The following GFOD1 variants were observed in gnomAD, a reference collection of about 807,000 sequenced individuals.
GFOD1 encodes the protein glucose-fructose oxidoreductase domain-containing protein 1.
GFOD1 carries 9 observed loss-of-function variants against 25.4 expected under a neutral mutation model. The ratio of observed to expected loss-of-function variants is 0.35; its 90% CI spans 0.21 to 0.62. The LOEUF is 0.62. Ranked by LOEUF, GFOD1 falls within the 20% of genes least tolerant of loss-of-function variation. GFOD1 has a pLI of 0.72. For synonymous variants in GFOD1, 253 were observed against 245.6 expected, an observed-to-expected ratio of 1.03 and a Z score of -0.28; for missense variants, 403 against 556.9, an observed-to-expected ratio of 0.72 and a Z score of 2.78.
chr6:13,421,071 A>C (rs1786248298), intron 1 of GFOD1, among the ~76,000 whole-genome samples: 1 of 152,226 alleles, frequency 6.6e-6, no homozygotes, highest in African/African-American at 2.4e-5. Flanking sequence ...AGTATTCAAT[A>C]AGGGGTAGAT....
At chr6:13,396,522 C>T (rs914122620) in intron 1 of GFOD1, among the ~76,000 whole-genome samples, 3 of 152,136 alleles carry the variant, frequency 2.0e-5, no homozygotes, top group Non-Finnish European at 2.9e-5. Context: ...GTCGACATCC[C>T]GATCCCCAGA....
intron 1 of GFOD1, among the ~76,000 whole-genome samples, chr6:13,392,268 C>T (rs535970231): frequency 6.8e-5 from 10 of 146,124 alleles, no homozygotes; most frequent in South Asian, 6.5e-4. Context: ...GAGGCTGAGA[C>T]GGGAGGATCA....
intron 1 of GFOD1, among the ~76,000 whole-genome samples, chr6:13,475,645 A>C (rs9357741): frequency 6.6e-6 from 1 of 150,420 alleles, no homozygotes; most frequent in South Asian, 2.1e-4. Flanking sequence ...TTGAACCCTG[A>C]AGGCGGCAGC....
rs993846341 is a variant in GFOD1 at position 13,363,692 on chromosome 6, T to TA, written c.*1050dup. On this transcript the variant is annotated 3_prime_UTR_variant, in exon 2 of 2. Coordinates refer to ENST00000379287, the MANE Select transcript of GFOD1 (RefSeq NM_018988.4). ...CCAGCTTGGTAGGAGAGATGCGCGATAGAGCCCCAAACACCTCCTGGCTAG... is the reference window on the plus strand; with the variant it reads ...CCAGCTTGGTAGGAGAGATGCGCGATAAGAGCCCCAAACACCTCCTGGCTAG... The TA allele has an allele frequency of 1.3e-5, 2 of 149,066 alleles. No homozygotes were observed. The highest frequency in any genetic ancestry group is 4.9e-5 in the African/African-American group (2 of 40,482). 9.2% of individuals were successfully genotyped at this position (149,066 alleles called of 1,614,324 possible).
chr6:13,463,386 A>G, intron 1 of GFOD1, among the ~76,000 whole-genome samples: 1 of 152,238 alleles, frequency 6.6e-6, no homozygotes. Context: ...ACAATTTAAA[A>G]TCCAGCTCCT....
intron 1 of GFOD1, among the ~76,000 whole-genome samples, chr6:13,442,280 C>A (rs545455159): frequency 6.6e-6 from 1 of 152,194 alleles, no homozygotes; most frequent in South Asian, 2.1e-4. Flanking sequence ...CACTTTTCAG[C>A]TATTGCATTT....
intron 1 of GFOD1, among the ~76,000 whole-genome samples, chr6:13,457,749 G>C (rs1758215619): frequency 6.6e-6 from 1 of 152,226 alleles, no homozygotes; most frequent in Non-Finnish European, 1.5e-5. Flanking sequence ...CATGTTCTTT[G>C]AAAGTGGCTG....
At chr6:13,409,320 G>A (rs1361718046) in intron 1 of GFOD1, among the ~76,000 whole-genome samples, 2 of 131,686 alleles carry the variant, frequency 1.5e-5, no homozygotes, top group Middle Eastern at 4.1e-3. Context: ...AAGGAAGAAA[G>A]GAAGGAAGGA....
At chr6:13,382,610 A>C (rs1428713815) in intron 1 of GFOD1, among the ~76,000 whole-genome samples, 1 of 152,162 alleles carries the variant, frequency 6.6e-6, no homozygotes, top group East Asian at 1.9e-4. Context: ...AGACTAATAC[A>C]AGTTGGAATT....
chr6:13,402,698 G>A (rs1785870488), intron 1 of GFOD1, among the ~76,000 whole-genome samples: 1 of 152,166 alleles, frequency 6.6e-6, no homozygotes, highest in African/African-American at 2.4e-5. Context: ...CATGGTTGTA[G>A]AATAATTGGA....
intron 1 of GFOD1, 104 bp downstream of exon 1, chr6:13,486,534 G>T: frequency 1.0e-6 from 1 of 957,644 alleles, no homozygotes; most frequent in East Asian, 2.5e-5. Context: ...CGTAGATGCA[G>T]GGTAAGCTTC....
intron 1 of GFOD1, among the ~76,000 whole-genome samples, chr6:13,472,515 T>C (rs1043042378): frequency 2.4e-4 from 36 of 152,224 alleles, no homozygotes; most frequent in Admixed American, 5.9e-4. Flanking sequence ...AGATGGGTAC[T>C]TTTATTATCC....
chr6:13,385,163 C>A (rs529395117), intron 1 of GFOD1, among the ~76,000 whole-genome samples: 14 of 152,122 alleles, frequency 9.2e-5, no homozygotes, highest in Non-Finnish European at 2.1e-4. Context: ...GCAACCACTG[C>A]CATCCAATAC....
chr6:13,368,763 C>T (rs1407884233), intron 1 of GFOD1, among the ~76,000 whole-genome samples: 4 of 151,812 alleles, frequency 2.6e-5, no homozygotes, highest in Admixed American at 6.6e-5. Context: ...GAAAAATGAT[C>T]CACACCCCTT....
At chr6:13,384,121 G>A (rs1002131861) in intron 1 of GFOD1, among the ~76,000 whole-genome samples, 1 of 152,176 alleles carries the variant, frequency 6.6e-6, no homozygotes, top group African/African-American at 2.4e-5. Context: ...CAGCTACTCA[G>A]GAGGCTGAGG....
intron 1 of GFOD1, among the ~76,000 whole-genome samples, chr6:13,373,741 AACACACAC>A (rs10530031): frequency 3.9e-5 from 5 of 129,594 alleles, no homozygotes; most frequent in African/African-American, 1.5e-4. Context: ...CTGCTCCCCC[AACACACAC>A]ACACACACAC....
chr6:13,403,301 T>C (rs960181086), intron 1 of GFOD1, among the ~76,000 whole-genome samples: 1 of 152,154 alleles, frequency 6.6e-6, no homozygotes, highest in Admixed American at 6.5e-5. Flanking sequence ...AATTTTTGTA[T>C]TTTTAGTAGA....
chr6:13,409,052 T>A (rs544696940), intron 1 of GFOD1, among the ~76,000 whole-genome samples: 11 of 140,554 alleles, frequency 7.8e-5, no homozygotes, highest in Admixed American at 7.7e-4. Flanking sequence ...GCCATTGCCC[T>A]CCAGCCTGGG....
chr6:13,419,333 T>G (rs1008907025), intron 1 of GFOD1, among the ~76,000 whole-genome samples: 6 of 152,242 alleles, frequency 3.9e-5, no homozygotes, highest in Admixed American at 2.0e-4. Flanking sequence ...CAGAGGCCTC[T>G]AAAGGCCACA....
Sources: gnomAD v4.1 joint callset for allele counts (sites outside exome capture counted in the v4.1 genomes callset) on GRCh38, gnomAD v4.1.1 for gene constraint, MANE v1.5 for transcripts, NCBI Gene and HGNC (gene_info 2026-07-23, HGNC 2026-07-21) for gene names.